Variants in IL1RAPL2 observed in about 807,000 individuals in gnomAD.
The protein encoded by IL1RAPL2 is X-linked interleukin-1 receptor accessory protein-like 2.
A neutral mutation model predicts 44.1 loss-of-function variants in IL1RAPL2; 3 were observed. That is an observed-to-expected ratio of 0.07 (90% confidence interval 0.03 to 0.18). The LOEUF is 0.18. IL1RAPL2 is among the 10% of genes least tolerant of loss of function. IL1RAPL2 has a pLI of 1.00. For missense variants in IL1RAPL2, 391 were observed against 496.4 expected (o/e 0.79, Z 2.02); for synonymous variants, 181 against 178.8 (o/e 1.01, Z -0.10).
chrX:104,985,307 C>T (rs5963014), intron 2 of IL1RAPL2, among the ~76,000 whole-genome samples: 6,155 of 9,830 alleles, frequency 0.63, 439 homozygotes, highest in South Asian at 0.67. Context: ...AGGCTGGTCT[C>T]GAACTCCTGG....
At chrX:104,748,951 A>T (rs1178010493) in intron 2 of IL1RAPL2, among the ~76,000 whole-genome samples, 6 of 111,269 alleles carry the variant, frequency 5.4e-5, no homozygotes, top group Admixed American at 3.8e-4. Flanking sequence ...CTCAGTTCTT[A>T]TATAGGGCCC....
At chrX:104,991,260 G>T (rs1188943221) in intron 2 of IL1RAPL2, among the ~76,000 whole-genome samples, 1 of 111,478 alleles carries the variant, frequency 9.0e-6, no homozygotes, top group African/African-American at 3.3e-5. Flanking sequence ...AAGTAACCCA[G>T]GCAAAGGAAG....
At chrX:104,837,902 G>T (rs1333544999) in intron 2 of IL1RAPL2, among the ~76,000 whole-genome samples, 1 of 111,947 alleles carries the variant, frequency 8.9e-6, no homozygotes, top group Non-Finnish European at 1.9e-5. Flanking sequence ...GTTAATTTTT[G>T]TATAAGGTGT....
chrX:105,145,197 G>A (rs1170409172), intron 2 of IL1RAPL2, among the ~76,000 whole-genome samples: 1 of 112,045 alleles, frequency 8.9e-6, no homozygotes, highest in African/African-American at 3.2e-5. Flanking sequence ...GATCTCTTAA[G>A]TCCTTTGAAT....
chrX:105,673,568 T>C (rs374540361), intron 6 of IL1RAPL2, among the ~76,000 whole-genome samples: 166 of 112,066 alleles, frequency 1.5e-3, no homozygotes, highest in Non-Finnish European at 2.8e-3. Context: ...CAGTCTACCA[T>C]TGATGGACAT....
chrX:104,650,505 G>T (rs899782177), intron 1 of IL1RAPL2, among the ~76,000 whole-genome samples: 1 of 110,956 alleles, frequency 9.0e-6, no homozygotes, highest in African/African-American at 3.3e-5. Context: ...TGATATTTCA[G>T]GCCGACTGAT....
chrX:104,788,610 A>C (rs1008628346), intron 2 of IL1RAPL2, among the ~76,000 whole-genome samples: 1 of 111,730 alleles, frequency 9.0e-6, no homozygotes, highest in Non-Finnish European at 1.9e-5. Flanking sequence ...ATACTGGTTC[A>C]TTGGGTTCTG....
rs141842524 is a variant in IL1RAPL2, at chrX:104,811,360, C to T, written c.82+152365C>T. ...AATAATTGCAGTGCTTTGGTGATTACGGAAGCCAGAGGATAAGAGATTAAG... is the reference window on the plus strand; with the variant it reads ...AATAATTGCAGTGCTTTGGTGATTATGGAAGCCAGAGGATAAGAGATTAAG... On this transcript the variant is annotated intron_variant, in intron 2 of 10. Coordinates refer to ENST00000372582, the MANE Select transcript of IL1RAPL2 (RefSeq NM_017416.2). Among the ~76,000 whole-genome samples, 27 of 111,463 alleles carry T rather than the reference C, an allele frequency of 2.4e-4. No individual in the cohort carries two copies. The East Asian group carries it at 3.7e-3, about 15-fold the overall frequency.
chrX:105,032,212 G>C (rs1188634471), intron 2 of IL1RAPL2, among the ~76,000 whole-genome samples: 2 of 109,584 alleles, frequency 1.8e-5, no homozygotes, highest in African/African-American at 6.7e-5. Flanking sequence ...AGGGTTTTTT[G>C]TGTCTCTATT....
At chrX:105,728,215 C>T (rs1474010589) in intron 7 of IL1RAPL2, among the ~76,000 whole-genome samples, 1 of 111,475 alleles carries the variant, frequency 9.0e-6, no homozygotes, top group Non-Finnish European at 1.9e-5. Flanking sequence ...CCTGGCAACT[C>T]CTTATCTTTT....
chrX:105,649,145 G>A (rs1037664258), intron 6 of IL1RAPL2, among the ~76,000 whole-genome samples: 31 of 111,345 alleles, frequency 2.8e-4, no homozygotes, highest in African/African-American at 9.1e-4. Context: ...TATGTTTCTA[G>A]ATAAAAAGAA....
chrX:105,488,670 C>A (rs2036288051), intron 6 of IL1RAPL2, among the ~76,000 whole-genome samples: 1 of 111,779 alleles, frequency 8.9e-6, no homozygotes, highest in Non-Finnish European at 1.9e-5. Context: ...CAATTTTATG[C>A]AAAATGAGAC....
At chrX:104,870,161 G>A (rs1333811444) in intron 2 of IL1RAPL2, among the ~76,000 whole-genome samples, 1 of 111,934 alleles carries the variant, frequency 8.9e-6, no homozygotes, top group East Asian at 2.8e-4. Context: ...CTATGTATAA[G>A]AATAGTAGCT....
intron 6 of IL1RAPL2, among the ~76,000 whole-genome samples, chrX:105,587,417 TTTTA>T (rs768414435): frequency 5.6e-4 from 63 of 111,718 alleles, no homozygotes; most frequent in Non-Finnish European, 6.8e-4. Flanking sequence ...TCTTTGAGCC[TTTTA>T]TTTGTTTTTT....
Position 105,195,650 on chromosome X carries a change from C to T in IL1RAPL2, c.258C>T (p.Pro86=). The change falls in exon 3 of 11, where the codon CCC becomes CCT. Residue 86 remains proline, a synonymous_variant. Coordinates refer to ENST00000372582, the MANE Select transcript of IL1RAPL2 (RefSeq NM_017416.2). The part of the protein sequence containing the change: ...WYKNKGDLEE[P]IIFSEVRMSK... ...AAAACAAAGGTGATTTGGAAGAGCC[C>T]ATCATCTTTTCAGAGGTCAGGATGA... 1.7e-6 allele frequency: 2 copies of T among 1,211,213 alleles called. No homozygotes were observed. Among genetic ancestry groups the T allele is most frequent in the Non-Finnish European group, 2.2e-6 (2 of 894,895 alleles).
chrX:104,758,832 G>A (rs906185556), intron 2 of IL1RAPL2, among the ~76,000 whole-genome samples: 5 of 111,471 alleles, frequency 4.5e-5, no homozygotes, highest in African/African-American at 1.6e-4. Context: ...TAAGAATGCC[G>A]TGACCCAATT....
intron 6 of IL1RAPL2, among the ~76,000 whole-genome samples, chrX:105,712,344 G>T (rs190345142): frequency 1.8e-5 from 2 of 111,604 alleles, no homozygotes; most frequent in African/African-American, 6.5e-5. Flanking sequence ...GGGGTGCTAC[G>T]CTGGGATTCA....
Position 105,742,633 on chromosome X carries a change from T to G in IL1RAPL2, c.1048+1942T>G, listed in dbSNP as rs145110666. Among the ~76,000 whole-genome samples, 219 of 111,308 alleles carry G rather than the reference T, an allele frequency of 2.0e-3. 6 individuals carry two copies. The East Asian group carries it at 0.058, about 30-fold the overall frequency. ...TGTTAATTCTCATCTTCCAAATATT[T>G]AAATATTGGAGTTCCCCAGGGTTCA... On this transcript the variant is annotated intron_variant, in intron 8 of 10. Coordinates refer to ENST00000372582, the MANE Select transcript of IL1RAPL2 (RefSeq NM_017416.2).
intron 2 of IL1RAPL2, among the ~76,000 whole-genome samples, chrX:105,030,753 T>A (rs2031476375): frequency 9.0e-6 from 1 of 111,412 alleles, no homozygotes; most frequent in Non-Finnish European, 1.9e-5. Flanking sequence ...CCATATGAAC[T>A]TTATAGTTTT....
Sources: allele counts gnomAD v4.1 joint callset (sites outside exome capture counted in the v4.1 genomes callset), GRCh38; gene constraint gnomAD v4.1.1; transcripts MANE v1.5; gene names NCBI Gene and HGNC (gene_info 2026-07-23, HGNC 2026-07-21).